Variants in ATXN2 observed in about 807,000 individuals in gnomAD.
ATXN2 encodes ataxin-2.
Under a neutral mutation model 138.6 loss-of-function variants are expected in ATXN2, and 37 were observed. The observed-to-expected ratio is 0.27, with a 90% CI of 0.21 to 0.35. The LOEUF (loss-of-function observed/expected upper bound fraction) is 0.35, where lower values mean the gene tolerates loss of function less well. Ranked by LOEUF, ATXN2 falls within the 10% of genes least tolerant of loss-of-function variation. ATXN2 has a pLI of 1.00. For missense variants in ATXN2, 1,216 were observed against 1,480.3 expected (o/e 0.82, Z 2.93); for synonymous variants, 549 against 543.7 (o/e 1.01, Z -0.13).
intron 5 of ATXN2, among the ~76,000 whole-genome samples, chr12:111,528,257 T>C (rs1257150733): frequency 6.6e-6 from 1 of 152,216 alleles, no homozygotes; most frequent in Non-Finnish European, 1.5e-5. Context: ...CGGATTTTTT[T>C]CTCACTACAG....
intron 21 of ATXN2, among the ~76,000 whole-genome samples, chr12:111,464,211 T>C (rs576060619): frequency 2.0e-5 from 3 of 151,954 alleles, no homozygotes; most frequent in Admixed American, 6.6e-5. Flanking sequence ...AGAATATAAA[T>C]AAACATTTTA....
intron 1 of ATXN2, among the ~76,000 whole-genome samples, chr12:111,579,407 C>T (rs565843502): frequency 3.9e-5 from 6 of 152,078 alleles, no homozygotes; most frequent in Admixed American, 3.9e-4. Flanking sequence ...GGATTACAGG[C>T]ATGCGCCACC....
At chr12:111,454,912 G>T in intron 23 of ATXN2, 1 of 636,940 alleles carries the variant, frequency 1.6e-6, no homozygotes, top group Non-Finnish European at 2.9e-6. Flanking sequence ...AAACCACGCT[G>T]GCCCACACGG....
chr12:111,579,700 T>A (rs941057616), intron 1 of ATXN2, among the ~76,000 whole-genome samples: 1 of 134,942 alleles, frequency 7.4e-6, no homozygotes, highest in South Asian at 2.3e-4. Flanking sequence ...ACAGACGACC[T>A]TTTTTTTTTT....
chr12:111,501,544 C>G (rs185620612), intron 14 of ATXN2, among the ~76,000 whole-genome samples: 36 of 152,286 alleles, frequency 2.4e-4, no homozygotes, highest in African/African-American at 8.2e-4. Flanking sequence ...ATTACCAAGG[C>G]TCTTGGTGTC....
Position 111,552,524 on chromosome 12 carries a change from C to T in ATXN2, c.421-94G>A. On this transcript the variant is annotated intron_variant, in intron 4 of 24. Coordinates refer to ENST00000673436, the MANE Select transcript of ATXN2 (RefSeq NM_001372574.1). This position sits in a 1 kb window ranked among gnomAD's most constrained non-coding sequence, Gnocchi z 4.1. Reference sequence around the variant, plus strand: ...TCATCAAGGTACCAGTTCTTATATGCCTTTGACAAAAATAATCTCAAGAGA... The same window carrying T: ...TCATCAAGGTACCAGTTCTTATATGTCTTTGACAAAAATAATCTCAAGAGA... The T allele has an allele frequency of 1.6e-6, 2 of 1,267,104 alleles. No homozygotes were observed. The highest frequency in any genetic ancestry group is 3.1e-5 in the South Asian group (2 of 63,938). The allele number at this position is 1,267,104 out of a possible 1,614,324, so 78.5% of individuals were successfully genotyped here.
intron 5 of ATXN2, among the ~76,000 whole-genome samples, chr12:111,549,600 G>A (rs572502792): frequency 7.2e-5 from 11 of 151,964 alleles, no homozygotes; most frequent in Non-Finnish European, 1.5e-4. Flanking sequence ...TCTCCATACT[G>A]ATAGTACTTC....
chr12:111,555,311 A>G (rs1425409193), intron 2 of ATXN2, among the ~76,000 whole-genome samples: 4 of 152,210 alleles, frequency 2.6e-5, no homozygotes, highest in African/African-American at 9.7e-5. Flanking sequence ...CGTGACAAAA[A>G]TACTATTTAC....
In ATXN2 at chr12:111,581,889, G is replaced by A. The variant is rs552572217; in HGVS notation, c.251+16895C>T. 15 of 238,508 alleles carry A rather than the reference G, an allele frequency of 6.3e-5. 1 individual carries two copies. Among genetic ancestry groups the A allele is most frequent in the Middle Eastern group, 4.3e-4 (1 of 2,344 alleles). The allele number at this position is 238,508 out of a possible 1,614,324, so 14.8% of individuals were successfully genotyped here. ...CCCAGAGCCAAGTTCTCTATCAGCC[G>A]TTTATCCTCACACACTTTTCTACAA... On this transcript the variant is annotated intron_variant, in intron 1 of 24. Transcript: ENST00000673436.
chr12:111,530,778 C>A (rs1880777613), intron 5 of ATXN2, among the ~76,000 whole-genome samples: 1 of 151,996 alleles, frequency 6.6e-6, no homozygotes, highest in Non-Finnish European at 1.5e-5. Flanking sequence ...CGCGCCACTG[C>A]ACTCCAGCCT....
At chr12:111,599,419 C>A (rs1314318681), upstream of ATXN2, 1 of 1,177,418 alleles carries the variant, frequency 8.5e-7, no homozygotes, top group Admixed American at 4.6e-5. Context: ...GCGCCGGCCG[C>A]TGGAGCGAGC....
chr12:111,574,428 C>A (rs1323380912), intron 1 of ATXN2, among the ~76,000 whole-genome samples: 2 of 145,824 alleles, frequency 1.4e-5, no homozygotes, highest in Non-Finnish European at 3.0e-5. Context: ...ATTTTCTTTT[C>A]TTTTTTTTGG....
Position 111,516,356 on chromosome 12 carries a change from G to C in ATXN2, c.1173C>G (p.Pro391=). The C allele has an allele frequency of 1.3e-6, 2 of 1,576,488 alleles. No homozygotes were observed. Among genetic ancestry groups the C allele is most frequent in the Middle Eastern group, 1.8e-4 (1 of 5,596 alleles). The change falls in exon 10 of 25, where the codon CCC becomes CCG. Residue 391 remains proline (P), a synonymous_variant. Coordinates refer to ENST00000673436, the MANE Select transcript of ATXN2 (RefSeq NM_001372574.1). The surrounding 1 kb of genome is among the most constrained non-coding windows in gnomAD (Gnocchi z 5.0). ...SDQRVVNGGV[P]WPSPCPSPSS... Reference sequence around the variant, plus strand: ...AAGGAGATGGGCAAGGCGATGGCCAGGGAACACCTGACAGAACAAATGATA... The same window carrying C: ...AAGGAGATGGGCAAGGCGATGGCCACGGAACACCTGACAGAACAAATGATA...
chr12:111,510,033 G>T, intron 12 of ATXN2, 35 bp from the exon 13 acceptor site: 1 of 1,432,180 alleles, frequency 7.0e-7, no homozygotes, highest in Non-Finnish European at 9.6e-7. Context: ...ATTCAGATAA[G>T]TTAGAAAAGC....
chr12:111,538,388 CCTT>C (rs1881308077), intron 5 of ATXN2, among the ~76,000 whole-genome samples: 1 of 146,288 alleles, frequency 6.8e-6, no homozygotes, highest in Non-Finnish European at 1.5e-5. Flanking sequence ...CAATTAGTAA[CCTT>C]TTTTTTTTTG....
intron 1 of ATXN2, among the ~76,000 whole-genome samples, chr12:111,591,983 G>A (rs1186769446): frequency 5.3e-5 from 8 of 151,720 alleles, no homozygotes; most frequent in Admixed American, 3.9e-4. Context: ...TCAGAAGGCT[G>A]AGGCAGGAGA....
intron 14 of ATXN2, among the ~76,000 whole-genome samples, chr12:111,506,136 C>T (rs922237846): frequency 6.6e-6 from 1 of 152,194 alleles, no homozygotes; most frequent in South Asian, 2.1e-4. Context: ...ATGGAATTTG[C>T]CCCAAATAAG....
chr12:111,470,851 T>G lies in ATXN2; in HGVS notation c.2525-109A>C, dbSNP rs566385541. 5 of 1,159,016 alleles carry G rather than the reference T, an allele frequency of 4.3e-6. No individual in the cohort carries two copies. The Admixed American group carries it at 1.0e-4, about 24-fold the overall frequency. 71.8% of individuals were successfully genotyped at this position (1,159,016 alleles called of 1,614,324 possible). A position where few individuals can be genotyped will look rare whatever the true frequency, so the allele number is the denominator to read the frequency against. On this transcript the variant is annotated intron_variant, in intron 18 of 24. Transcript: ENST00000673436. ...TGATTTGACCCTGAATCTGCGTCTC[T>G]GATGCCATCTCATACCACTCCCACT...
intron 1 of ATXN2, among the ~76,000 whole-genome samples, chr12:111,578,112 G>A (rs1476898359): frequency 2.6e-5 from 4 of 152,242 alleles, no homozygotes; most frequent in South Asian, 2.1e-4. Flanking sequence ...CAGGAGAATC[G>A]CTTGAACCCA....
Sources: gnomAD v4.1 joint callset for allele counts (sites outside exome capture counted in the v4.1 genomes callset) on GRCh38, gnomAD v4.1.1 for gene constraint, Gnocchi (gnomAD v3.1) non-coding constraint, MANE v1.5 for transcripts, NCBI Gene and HGNC (gene_info 2026-07-23, HGNC 2026-07-21) for gene names.